Variants in DDB1 observed in about 807,000 individuals in gnomAD.
DDB1 encodes the protein DNA damage-binding protein 1.
In DDB1, 18 loss-of-function variants were observed where a neutral mutation model predicts 133.1. The ratio of observed to expected loss-of-function variants is 0.14; its 90% CI spans 0.09 to 0.20. The LOEUF (loss-of-function observed/expected upper bound fraction) is 0.20, where lower values mean the gene tolerates loss of function less well. DDB1 is among the 10% of genes least tolerant of loss of function. The probability of loss-of-function intolerance (pLI) is 1.00; values close to 1 mark genes in which losing one functional copy is unlikely to be tolerated. For synonymous variants in DDB1, 580 were observed against 550.5 expected, an observed-to-expected ratio of 1.05 and a Z score of -0.75; for missense variants, 828 against 1,459.2, an observed-to-expected ratio of 0.57 and a Z score of 7.05.
chr11:61,333,102 G>T lies in DDB1; in HGVS notation c.-134C>A. On this transcript the variant is annotated 5_prime_UTR_variant, in exon 1 of 27. The change creates a new upstream start codon in the 5' untranslated region. Transcript: ENST00000301764. ...GCCTCCGCCCCAGAGACACGTTGCA[G>T]GCCAGAGCGGCCGGGGCGCGGGGCA... is the stretch of plus-strand genomic sequence containing the variant. 1 of 774,942 alleles carries T rather than the reference G, an allele frequency of 1.3e-6. No homozygotes were observed. The highest frequency in any genetic ancestry group is 1.8e-6 in the Non-Finnish European group (1 of 541,690). The allele number at this position is 774,942 out of a possible 1,614,324, so 48.0% of individuals were successfully genotyped here.
chr11:61,325,582 A>C, intron 6 of DDB1, 29 bp downstream of exon 6: 3 of 1,587,352 alleles, frequency 1.9e-6, no homozygotes, highest in Non-Finnish European at 2.6e-6. Flanking sequence ...AGAAAAGATG[A>C]AAGGAAAAAA....
chr11:61,313,805 G>GTGTAA, intron 15 of DDB1, 57 bp downstream of exon 15: 2 of 1,597,698 alleles, frequency 1.3e-6, no homozygotes, highest in Non-Finnish European at 1.7e-6. Flanking sequence ...TAAGAATTCT[G>GTGTAA]TGTAATTCTA....
At chr11:61,318,432 G>A (rs75115546) in intron 10 of DDB1, among the ~76,000 whole-genome samples, 2 of 152,066 alleles carry the variant, frequency 1.3e-5, no homozygotes, top group Non-Finnish European at 2.9e-5. Flanking sequence ...CTCACAGCCC[G>A]ACCAACATAA....
intron 21 of DDB1, among the ~76,000 whole-genome samples, chr11:61,305,283 C>T (rs1256920399): frequency 1.3e-5 from 2 of 152,138 alleles, no homozygotes; most frequent in Admixed American, 6.5e-5. Context: ...CCAAGGCAGG[C>T]GGATCACGAG....
At chr11:61,300,699 T>A in intron 26 of DDB1, 110 bp downstream of exon 26, 1 of 1,501,332 alleles carries the variant, frequency 6.7e-7, no homozygotes, top group African/African-American at 1.4e-5. Context: ...TACACAGAGG[T>A]CCCCTCGCAT....
intron 10 of DDB1, among the ~76,000 whole-genome samples, chr11:61,317,857 C>CA (rs1856117554): frequency 6.6e-6 from 1 of 152,134 alleles, no homozygotes; most frequent in African/African-American, 2.4e-5. Flanking sequence ...TACCTCCCTC[C>CA]AACCCATCCC....
intron 21 of DDB1, among the ~76,000 whole-genome samples, chr11:61,305,541 CA>C (rs1297722684): frequency 3.3e-5 from 5 of 152,292 alleles, no homozygotes; most frequent in Admixed American, 2.6e-4. Context: ...ATGGTTACCA[CA>C]CCTCTATCAC....
chr11:61,323,055 C>T lies in DDB1; in HGVS notation c.961G>A (p.Val321Ile). The T allele has an allele frequency of 6.2e-7, 1 of 1,614,104 alleles. No individual in the cohort carries two copies. The highest frequency in any genetic ancestry group is 8.5e-7 in the Non-Finnish European group (1 of 1,180,022). Residue 321 changes from valine (V) to isoleucine (I), a missense_variant, in exon 8 of 27, where the codon GTT becomes ATT. Val to Ile is a conservative substitution (Grantham distance 29). Around this residue, in one of 7 missense-constraint regions of DDB1, gnomAD observed 35 missense variants for 57.5 expected, o/e 0.61. Coordinates refer to ENST00000301764, the MANE Select transcript of DDB1 (RefSeq NM_001923.5). Reference protein sequence around the residue: ...AECLTYLDNGVVFVGSRLGDS... With the variant: ...AECLTYLDNGIVFVGSRLGDS... ...CCCAGGCGAGACCCGACAAACACAA[C>T]ACCATTATCAAGGTATGTCAAGCAC...
chr11:61,302,516 T>TC (rs1242244009), intron 24 of DDB1, 66 bp downstream of exon 24: 1 of 1,603,404 alleles, frequency 6.2e-7, no homozygotes, highest in African/African-American at 1.3e-5. Context: ...CTCTCCCCAG[T>TC]CCCTCAGAAT....
intron 21 of DDB1, among the ~76,000 whole-genome samples, chr11:61,308,309 T>C (rs982785200): frequency 6.6e-6 from 1 of 152,144 alleles, no homozygotes; most frequent in Non-Finnish European, 1.5e-5. Context: ...CCTCCCTTCA[T>C]TTTGGAATCT....
chr11:61,301,781 CCTGTA>C (rs1855800011), intron 25 of DDB1: 1 of 158,640 alleles, frequency 6.3e-6, no homozygotes, highest in Non-Finnish European at 1.4e-5. Flanking sequence ...CTTTATATCT[CCTGTA>C]CTACACAAAC....
chr11:61,304,461 T>C (rs1218743273), intron 21 of DDB1, among the ~76,000 whole-genome samples: 1 of 150,120 alleles, frequency 6.7e-6, no homozygotes, highest in Non-Finnish European at 1.5e-5. Flanking sequence ...AGCGAGACTC[T>C]GTCTCAAAAA....
In DDB1 at chr11:61,310,483, G is replaced by A. The variant is rs141156606; in HGVS notation, c.2278-65C>T. On this transcript the variant is annotated intron_variant, in intron 18 of 26. Transcript: ENST00000301764. ...AGAAGAAGTGCTGAGACATCATTGT[G>A]AAGGGACCCGTCAGATCAGGACACA... 68 of 1,509,810 alleles carry A rather than the reference G, an allele frequency of 4.5e-5. No homozygotes were observed. In the East Asian group the frequency reaches 7.3e-4, roughly 16 times the overall value. 93.5% of individuals were successfully genotyped at this position (1,509,810 alleles called of 1,614,324 possible).
intron 12 of DDB1, 34 bp from the exon 13 acceptor site, chr11:61,314,520 G>T: frequency 6.3e-7 from 1 of 1,583,794 alleles, no homozygotes. Context: ...ATGTCTCCAA[G>T]CATCTGCCAG....
intron 3 of DDB1, among the ~76,000 whole-genome samples, 159 bp downstream of exon 3, chr11:61,329,799 T>C (rs1856335290): frequency 6.6e-6 from 1 of 152,212 alleles, no homozygotes; most frequent in African/African-American, 2.4e-5. Flanking sequence ...GGGTCTTGAG[T>C]GAACTACAGG....
chr11:61,317,430 A>C (rs538362400), intron 10 of DDB1, among the ~76,000 whole-genome samples: 1 of 152,112 alleles, frequency 6.6e-6, no homozygotes, highest in South Asian at 2.1e-4. Flanking sequence ...GATAATTTTA[A>C]AGCTGTTTTG....
At chr11:61,324,214 C>T in intron 6 of DDB1, 77 bp from the exon 7 acceptor site, 1 of 1,533,384 alleles carries the variant, frequency 6.5e-7, no homozygotes, top group Non-Finnish European at 9.0e-7. Context: ...GGACCACTCC[C>T]TTTACCAAAC....
intron 2 of DDB1, among the ~76,000 whole-genome samples, chr11:61,331,172 C>T (rs1264748835): frequency 6.6e-6 from 1 of 152,206 alleles, no homozygotes; most frequent in African/African-American, 2.4e-5. Context: ...AAGAAGTCAA[C>T]TTCATAAATG....
intron 6 of DDB1, among the ~76,000 whole-genome samples, chr11:61,324,968 G>A (rs1856246456): frequency 6.6e-6 from 1 of 152,104 alleles, no homozygotes; most frequent in African/African-American, 2.4e-5. Context: ...GACCAACATG[G>A]AGAAACCCCA....
Sources: gnomAD v4.1 joint callset for allele counts (sites outside exome capture counted in the v4.1 genomes callset) on GRCh38, gnomAD v4.1.1 for gene constraint, gnomAD v4.1.1 regional missense constraint, MANE v1.5 for transcripts, NCBI Gene and HGNC (gene_info 2026-07-23, HGNC 2026-07-21) for gene names.